The following AGBL4 variants were observed in gnomAD, a reference collection of about 807,000 sequenced individuals.
AGBL4 encodes cytosolic carboxypeptidase 6.
In AGBL4, 58 loss-of-function variants were observed where a neutral mutation model predicts 66.4. That is an observed-to-expected ratio of 0.87 (90% CI 0.71 to 1.09). The LOEUF (loss-of-function observed/expected upper bound fraction) is 1.09. Ranked by LOEUF, AGBL4 falls within the 50% of genes least tolerant of loss-of-function variation. The probability of loss-of-function intolerance (pLI) is 0.00; values close to 1 mark genes in which losing one functional copy is unlikely to be tolerated. For synonymous variants in AGBL4, 234 were observed against 222.9 expected (o/e 1.05, Z -0.44); for missense variants, 579 against 631.0 (o/e 0.92, Z 0.88).
intron 2 of AGBL4, among the ~76,000 whole-genome samples, chr1:49,756,240 G>A (rs12141382): frequency 0.69 from 104,290 of 151,792 alleles, 36,574 homozygotes; most frequent in African/African-American, 0.79. Context: ...ATATAACCAC[G>A]CAGATATACC....
intron 11 of AGBL4, among the ~76,000 whole-genome samples, chr1:48,542,208 A>C (rs1644084662): frequency 6.6e-6 from 1 of 152,192 alleles, no homozygotes; most frequent in African/African-American, 2.4e-5. Context: ...TCCGTGGTGC[A>C]TATGTGCCAC....
At chr1:48,879,390 G>A (rs1325488640) in intron 5 of AGBL4, among the ~76,000 whole-genome samples, 1 of 151,928 alleles carries the variant, frequency 6.6e-6, no homozygotes, top group Non-Finnish European at 1.5e-5. Flanking sequence ...TGAAAAAGAA[G>A]TTTTGAAAAA....
intron 3 of AGBL4, among the ~76,000 whole-genome samples, chr1:49,349,341 T>C (rs534548023): frequency 1.8e-4 from 27 of 152,350 alleles, no homozygotes; most frequent in African/African-American, 6.5e-4. Context: ...ATTCAGAACC[T>C]ACTTCACTAC....
At chr1:48,701,686 T>G (rs1329271307) in intron 6 of AGBL4, among the ~76,000 whole-genome samples, 1 of 152,220 alleles carries the variant, frequency 6.6e-6, no homozygotes, top group Admixed American at 6.5e-5. Context: ...GGATGATGAT[T>G]AACAGCACTG....
chr1:49,668,960 C>A (rs1185270509), intron 3 of AGBL4, among the ~76,000 whole-genome samples: 3 of 152,124 alleles, frequency 2.0e-5, no homozygotes, highest in Admixed American at 1.3e-4. Context: ...GAGGGCCAGG[C>A]TGTTTCTTCA....
intron 1 of AGBL4, among the ~76,000 whole-genome samples, chr1:49,925,803 G>A (rs368445857): frequency 6.6e-6 from 1 of 152,226 alleles, no homozygotes; most frequent in South Asian, 2.1e-4. Flanking sequence ...GGGAGTTGGT[G>A]AGGGAAGAGT....
intron 3 of AGBL4, among the ~76,000 whole-genome samples, chr1:49,554,650 G>A (rs1653257817): frequency 6.6e-6 from 1 of 152,206 alleles, no homozygotes; most frequent in Admixed American, 6.5e-5. Context: ...CCACAAATGT[G>A]TCCAGAATTG....
intron 3 of AGBL4, chr1:49,469,825 A>G (rs1268590985): frequency 2.6e-5 from 4 of 151,928 alleles, no homozygotes; most frequent in Non-Finnish European, 4.4e-5. Context: ...CTTACTAAAT[A>G]AGTATTTTGC....
At chr1:50,001,516 T>TAC (rs1350623008) in intron 1 of AGBL4, among the ~76,000 whole-genome samples, 1 of 151,150 alleles carries the variant, frequency 6.6e-6, no homozygotes, top group Non-Finnish European at 1.5e-5. Flanking sequence ...TGTATATATA[T>TAC]ATATATATGA....
intron 2 of AGBL4, among the ~76,000 whole-genome samples, chr1:49,734,247 G>A (rs567027488): frequency 6.6e-6 from 1 of 151,926 alleles, no homozygotes; most frequent in East Asian, 1.9e-4. Context: ...ATTAATATTA[G>A]AATGGAGGTT....
At chr1:49,463,591 ATACACAAGTTAAAGG>A (rs758761112) in intron 3 of AGBL4, among the ~76,000 whole-genome samples, 3 of 151,900 alleles carry the variant, frequency 2.0e-5, no homozygotes, top group Non-Finnish European at 4.4e-5. Context: ...GCTTTCTCTC[ATACACAAGTTAAAGG>A]TTATCAGTAA....
At chr1:49,988,889 G>A (rs1259893859) in intron 1 of AGBL4, among the ~76,000 whole-genome samples, 1 of 152,116 alleles carries the variant, frequency 6.6e-6, no homozygotes, top group Admixed American at 6.6e-5. Context: ...AAATGCTTCT[G>A]TCTCCAGCAA....
At chr1:49,973,990 C>T (rs965888861) in intron 1 of AGBL4, among the ~76,000 whole-genome samples, 1 of 151,968 alleles carries the variant, frequency 6.6e-6, no homozygotes. Flanking sequence ...AGAAAGATAA[C>T]TTTTTTATTA....
rs545845025 is a variant in AGBL4, at chr1:49,046,069, C to G, written c.378-269G>C. Among the ~76,000 whole-genome samples, 4 of 152,258 alleles carry G rather than the reference C, an allele frequency of 2.6e-5. No homozygotes were observed. In the South Asian group the frequency reaches 6.2e-4, roughly 24 times the overall value. ...GACACATTCTATTCACTTGTTTATCCTTATTTTGAGCACTTAACATATGTG... is the reference window on the plus strand; with the variant it reads ...GACACATTCTATTCACTTGTTTATCGTTATTTTGAGCACTTAACATATGTG... On this transcript the variant is annotated intron_variant, in intron 4 of 13. Coordinates refer to ENST00000371839, the MANE Select transcript of AGBL4 (RefSeq NM_032785.4).
chr1:49,078,820 A>G (rs1247013767), intron 4 of AGBL4, among the ~76,000 whole-genome samples: 1 of 152,144 alleles, frequency 6.6e-6, no homozygotes, highest in Non-Finnish European at 1.5e-5. Context: ...AGTCTATTCT[A>G]TTCCTAGCAG....
intron 3 of AGBL4, among the ~76,000 whole-genome samples, chr1:49,629,259 G>A (rs1353645638): frequency 6.6e-6 from 1 of 152,130 alleles, no homozygotes; most frequent in African/African-American, 2.4e-5. Flanking sequence ...TTTACTATCT[G>A]GTCCTTTACA....
At chr1:49,660,951 G>C (rs1406947376) in intron 3 of AGBL4, among the ~76,000 whole-genome samples, 3 of 151,806 alleles carry the variant, frequency 2.0e-5, no homozygotes, top group Non-Finnish European at 4.4e-5. Flanking sequence ...TGGCCTGTTG[G>C]GGGGTCATGC....
intron 4 of AGBL4, among the ~76,000 whole-genome samples, chr1:49,078,962 T>A (rs531334027): frequency 5.9e-5 from 9 of 151,616 alleles, no homozygotes; most frequent in Non-Finnish European, 1.0e-4. Flanking sequence ...CTACCTCTCA[T>A]CCAACTTGTA....
At chr1:49,714,789 C>T (rs1372368731) in intron 2 of AGBL4, among the ~76,000 whole-genome samples, 1 of 151,484 alleles carries the variant, frequency 6.6e-6, no homozygotes, top group African/African-American at 2.4e-5. Context: ...TGGGTAGATA[C>T]TCAGGAATGG....
Sources: gnomAD v4.1 joint callset for allele counts (sites outside exome capture counted in the v4.1 genomes callset) on GRCh38, gnomAD v4.1.1 for gene constraint, MANE v1.5 for transcripts, NCBI Gene and HGNC (gene_info 2026-07-23, HGNC 2026-07-21) for gene names.